Variants in USH2A observed in about 807,000 individuals in gnomAD.
USH2A encodes usherin, also known as Usher syndrome 2A (autosomal recessive, mild).
USH2A carries 443 observed loss-of-function variants against 538.9 expected under a neutral mutation model. The ratio of observed to expected loss-of-function variants is 0.82; its 90% CI spans 0.76 to 0.89. USH2A has a LOEUF of 0.89. Ranked by LOEUF, USH2A falls within the 40% of genes least tolerant of loss-of-function variation. The pLI, the probability that USH2A is intolerant of heterozygous loss-of-function variation, is 0.00. For missense variants in USH2A, 6,633 were observed against 6,324.8 expected, an observed-to-expected ratio of 1.05 and a Z score of -1.65; for synonymous variants, 2,413 against 2,273.5, an observed-to-expected ratio of 1.06 and a Z score of -1.75.
At chr1:215,745,281 T>C (rs1371342893) in intron 58 of USH2A, among the ~76,000 whole-genome samples, 1 of 152,134 alleles carries the variant, frequency 6.6e-6, no homozygotes, top group African/African-American at 2.4e-5. Flanking sequence ...TTTGCAGGTA[T>C]AAATAAGAAA....
chr1:215,718,743 C>T (rs1558067965), intron 61 of USH2A, among the ~76,000 whole-genome samples: 1 of 152,096 alleles, frequency 6.6e-6, no homozygotes, highest in Admixed American at 6.5e-5. Context: ...TAGGGTACTT[C>T]GGGGCAGCCA....
Position 215,674,908 on chromosome 1 carries a change from C to T in USH2A, c.13003G>A (p.Ala4335Thr). Residue 4335 changes from alanine (A) to threonine (T), a missense_variant, in exon 63 of 72, where the codon GCC becomes ACC. Coordinates refer to ENST00000307340, the MANE Select transcript of USH2A (RefSeq NM_206933.4). ...PFSTYSYALQ[A>T]CTSGGCSTSK... ...GTGGAGCATCCTCCACTCGTGCAGG[C>T]TTGGAGTGCATAGCTATAGGTGGAA... is the stretch of plus-strand genomic sequence containing the variant. 6.2e-7 allele frequency: 1 copy of T among 1,614,142 alleles called. No individual in the cohort carries two copies. The highest frequency in any genetic ancestry group is 8.5e-7 in the Non-Finnish European group (1 of 1,180,020).
intron 58 of USH2A, among the ~76,000 whole-genome samples, chr1:215,750,457 G>C (rs546740755): frequency 1.3e-5 from 2 of 152,236 alleles, no homozygotes; most frequent in East Asian, 3.9e-4. Context: ...TTAGTTAAAT[G>C]ACTAGAGGAA....
intron 64 of USH2A, among the ~76,000 whole-genome samples, chr1:215,653,028 T>C (rs907700610): frequency 1.3e-5 from 2 of 152,114 alleles, no homozygotes; most frequent in Non-Finnish European, 2.9e-5. Flanking sequence ...TGAGATGAAA[T>C]AAGCATAATT....
chr1:216,325,664 C>A lies in USH2A; in HGVS notation c.849-65G>T. ...TAACAGTAATAGAACTTCTAGGAGTCGTTACAAATGAATGTCACTCGTTTA... is the reference window on the plus strand; with the variant it reads ...TAACAGTAATAGAACTTCTAGGAGTAGTTACAAATGAATGTCACTCGTTTA... On this transcript the variant is annotated intron_variant, in intron 5 of 71. Transcript: ENST00000307340. 5.4e-6 allele frequency: 8 copies of A among 1,491,124 alleles called. No individual in the cohort carries two copies. In the Middle Eastern group the frequency reaches 5.2e-4, roughly 98 times the overall value. The allele number at this position is 1,491,124 out of a possible 1,614,324, so 92.4% of individuals were successfully genotyped here. A position where few individuals can be genotyped will look rare whatever the true frequency, so the allele number is the denominator to read the frequency against.
chr1:216,347,750 G>A (rs756682306), intron 4 of USH2A, among the ~76,000 whole-genome samples: 57 of 152,114 alleles, frequency 3.7e-4, no homozygotes, highest in Middle Eastern at 6.8e-3. Context: ...AATATATGTC[G>A]TTCTAAAACT....
intron 49 of USH2A, among the ~76,000 whole-genome samples, chr1:215,809,084 A>T (rs1048695531): frequency 2.6e-5 from 4 of 152,182 alleles, no homozygotes; most frequent in African/African-American, 4.8e-5. Flanking sequence ...GAGACCAATG[A>T]AGGAGCAACG....
At chr1:216,320,589 G>A (rs1239749226) in intron 9 of USH2A, among the ~76,000 whole-genome samples, 1 of 151,974 alleles carries the variant, frequency 6.6e-6, no homozygotes, top group Non-Finnish European at 1.5e-5. Flanking sequence ...TGTGTTAAAG[G>A]TTATATTCCC....
At chr1:216,239,325 A>G (rs1342248928) in intron 13 of USH2A, among the ~76,000 whole-genome samples, 1 of 152,184 alleles carries the variant, frequency 6.6e-6, no homozygotes, top group Non-Finnish European at 1.5e-5. Flanking sequence ...GTGTTGTGAA[A>G]AAAACACCAC....
chr1:216,104,761 G>A (rs1269477539), intron 21 of USH2A, among the ~76,000 whole-genome samples: 1 of 152,080 alleles, frequency 6.6e-6, no homozygotes, highest in Non-Finnish European at 1.5e-5. Flanking sequence ...ATAGGCATGG[G>A]CAAGGACTTC....
rs536611418 is a variant in USH2A at position 215,957,370 on chromosome 1, T to G, written c.7120+7947A>C. ...ATCATGACACTCATTTAATTTCTTCTAAGTCTCTAAAATAAATTGTGTGGT... is the reference window on the plus strand; with the variant it reads ...ATCATGACACTCATTTAATTTCTTCGAAGTCTCTAAAATAAATTGTGTGGT... On this transcript the variant is annotated intron_variant, in intron 37 of 71. Transcript: ENST00000307340. Among the ~76,000 whole-genome samples, 51 of 152,306 alleles carry G rather than the reference T, an allele frequency of 3.3e-4. No individual in the cohort carries two copies. In the South Asian group the frequency reaches 0.011, roughly 32 times the overall value.
chr1:216,089,677 C>T (rs937046604), intron 22 of USH2A, among the ~76,000 whole-genome samples: 4 of 151,848 alleles, frequency 2.6e-5, no homozygotes, highest in Admixed American at 2.0e-4. Context: ...AAATGTAGTA[C>T]ACAATGCTTT....
chr1:215,960,807 T>G (rs1372553382), intron 37 of USH2A, among the ~76,000 whole-genome samples: 1 of 152,144 alleles, frequency 6.6e-6, no homozygotes, highest in Non-Finnish European at 1.5e-5. Context: ...ATTCAGTTTA[T>G]TCTCATCCAT....
At chr1:216,065,013 C>T (rs1251773995) in intron 30 of USH2A, among the ~76,000 whole-genome samples, 2 of 152,174 alleles carry the variant, frequency 1.3e-5, no homozygotes, top group African/African-American at 4.8e-5. Flanking sequence ...GAGAAATTGA[C>T]AAAACTGCAT....
intron 20 of USH2A, among the ~76,000 whole-genome samples, chr1:216,175,961 A>C (rs1213664651): frequency 6.6e-6 from 1 of 152,152 alleles, no homozygotes; most frequent in Non-Finnish European, 1.5e-5. Context: ...AGTGAAACCT[A>C]CAGCCAATGA....
chr1:215,758,694 T>C lies in USH2A; in HGVS notation c.11290A>G (p.Ile3764Val), dbSNP rs1660886637. 2 of 1,614,022 alleles carry C rather than the reference T, an allele frequency of 1.2e-6. No individual in the cohort carries two copies. Among genetic ancestry groups the C allele is most frequent in the East Asian group, 2.2e-5 (1 of 44,850 alleles). The change falls in exon 58 of 72, where the codon ATT becomes GTT. Residue 3764 changes from isoleucine (I) to valine (V), a missense_variant. Transcript: ENST00000307340. ...GGTGTTGACATAGGTGTTTGAACAA[T>C]GTAATCATCACTAGCACTGCTGCCA... is the stretch of plus-strand genomic sequence containing the variant. The part of the protein sequence containing the change: ...GGGSSASDDY[I>V]VQTPMSTPEE...
At chr1:216,372,642 C>G (rs949446046) in intron 3 of USH2A, among the ~76,000 whole-genome samples, 1 of 152,024 alleles carries the variant, frequency 6.6e-6, no homozygotes, top group Non-Finnish European at 1.5e-5. Flanking sequence ...TTAGATTACT[C>G]TCTTCTCTCT....
At chr1:216,198,717 T>C (rs1048626267) in intron 17 of USH2A, 133 bp from the exon 18 acceptor site, 4 of 869,000 alleles carry the variant, frequency 4.6e-6, no homozygotes, top group Non-Finnish European at 7.1e-6. Flanking sequence ...TCAATTTCTT[T>C]AGCATTCAAA....
At chr1:216,068,942 A>G (rs2031470177) in intron 30 of USH2A, among the ~76,000 whole-genome samples, 1 of 152,174 alleles carries the variant, frequency 6.6e-6, no homozygotes, top group Non-Finnish European at 1.5e-5. Flanking sequence ...GGTGTCTAAT[A>G]TAATCTAAAA....
Sources: gnomAD v4.1 joint callset for allele counts (sites outside exome capture counted in the v4.1 genomes callset) on GRCh38, gnomAD v4.1.1 for gene constraint, MANE v1.5 for transcripts, NCBI Gene and HGNC (gene_info 2026-07-23, HGNC 2026-07-21) for gene names.